Variants in SLMAP observed in about 807,000 individuals in gnomAD.
The protein encoded by SLMAP is sarcolemmal membrane-associated protein.
A neutral mutation model predicts 128.8 loss-of-function variants in SLMAP; 44 were observed. The observed-to-expected ratio is 0.34, with a 90% CI of 0.27 to 0.44. The LOEUF (loss-of-function observed/expected upper bound fraction) is 0.44, where lower values mean the gene tolerates loss of function less well. SLMAP is among the 20% of genes least tolerant of loss of function. The pLI, the probability that SLMAP is intolerant of heterozygous loss-of-function variation, is 1.00. For synonymous variants in SLMAP, 327 were observed against 348.8 expected, an observed-to-expected ratio of 0.94 and a Z score of 0.70; for missense variants, 787 against 985.3, an observed-to-expected ratio of 0.80 and a Z score of 2.69.
In SLMAP at chr3:57,922,909, A is replaced by G; in HGVS notation, c.2331A>G (p.Val777=). The change falls in exon 23 of 25, where the codon GTA becomes GTG. Residue 777 remains valine (V), a synonymous_variant. Coordinates refer to ENST00000671191, the MANE Select transcript of SLMAP (RefSeq NM_001377540.1). ...TTTAGTATGAAAAGACACAGACTGT[A>G]CTCTCAGAACTGAAGTTGAAGTTTG... ...VQKEYEKTQT[V]LSELKLKFEM... is the part of the protein sequence containing the mutation. 1.2e-6 allele frequency: 2 copies of G among 1,613,280 alleles called. No individual in the cohort carries two copies. The highest frequency in any genetic ancestry group is 1.7e-6 in the Non-Finnish European group (2 of 1,179,864).
At chr3:57,827,715 A>G (rs1349972053) in intron 2 of SLMAP, among the ~76,000 whole-genome samples, 2 of 152,232 alleles carry the variant, frequency 1.3e-5, no homozygotes, top group South Asian at 4.1e-4. Flanking sequence ...TCCTTAGGCT[A>G]CTGGGAAAGA....
At chr3:57,787,276 A>G (rs1307135352) in intron 2 of SLMAP, among the ~76,000 whole-genome samples, 1 of 152,218 alleles carries the variant, frequency 6.6e-6, no homozygotes, top group Non-Finnish European at 1.5e-5. Context: ...ACATCGAGTT[A>G]TGAGGTTCAA....
chr3:57,796,839 C>A (rs1025864242), intron 2 of SLMAP, among the ~76,000 whole-genome samples: 10 of 152,134 alleles, frequency 6.6e-5, no homozygotes, highest in Middle Eastern at 6.8e-3. Flanking sequence ...GTGAAAATGT[C>A]AAAAATGCAA....
Position 57,806,768 on chromosome 3 carries a change from A to G in SLMAP, c.199-24615A>G, listed in dbSNP as rs535919885. ...ATTTTATTTATCCAATCTATCATTG[A>G]TGGGCATTTGGGTTGGTTCCATGTA... On this transcript the variant is annotated intron_variant, in intron 2 of 24. Coordinates refer to ENST00000671191, the MANE Select transcript of SLMAP (RefSeq NM_001377540.1). Among the ~76,000 whole-genome samples, 111 of 152,220 alleles carry G rather than the reference A, an allele frequency of 7.3e-4. 1 individual carries two copies. Among genetic ancestry groups the G allele is most frequent in the African/African-American group, 2.6e-3 (108 of 41,528 alleles).
chr3:57,821,785 A>G (rs1006457539), intron 2 of SLMAP, among the ~76,000 whole-genome samples: 4 of 152,022 alleles, frequency 2.6e-5, no homozygotes, highest in Admixed American at 6.6e-5. Flanking sequence ...AGAAATTGCA[A>G]CTTCTTAGTC....
intron 3 of SLMAP, among the ~76,000 whole-genome samples, chr3:57,839,851 G>A (rs2093837433): frequency 6.6e-6 from 1 of 152,060 alleles, no homozygotes; most frequent in African/African-American, 2.4e-5. Flanking sequence ...CACCATGCCT[G>A]GCCTAATTTT....
rs1422024469 is a variant in SLMAP, at chr3:57,866,277, AG to A, written c.1237+986del. 5.2e-3 allele frequency among the ~76,000 whole-genome samples: 206 copies of A among 39,308 alleles called. 1 individual carries two copies. Among genetic ancestry groups the A allele is most frequent in the African/African-American group, 0.016 (179 of 11,034 alleles). The allele number at this position is 39,308 out of a possible 152,430, so 25.8% of individuals were successfully genotyped here. ...ACGAGCAAGGCCCTGTCTTTAAAAA[AG>A]AAAAGAAAAGAAAAGAAAAGACAAA... is the stretch of plus-strand genomic sequence containing the variant. On this transcript the variant is annotated intron_variant, in intron 13 of 24. Coordinates refer to ENST00000671191, the MANE Select transcript of SLMAP (RefSeq NM_001377540.1).
At chr3:57,890,190 C>T in intron 15 of SLMAP, 90 bp downstream of exon 15, 1 of 1,223,952 alleles carries the variant, frequency 8.2e-7, no homozygotes, top group Non-Finnish European at 1.2e-6. Flanking sequence ...TTTTAACCAT[C>T]AGTTTACTTC....
chr3:57,872,997 C>T (rs1261130630), intron 14 of SLMAP, among the ~76,000 whole-genome samples: 2 of 152,094 alleles, frequency 1.3e-5, no homozygotes, highest in Non-Finnish European at 2.9e-5. Flanking sequence ...CTTGGGGGTT[C>T]TATGGGTCAT....
intron 3 of SLMAP, among the ~76,000 whole-genome samples, chr3:57,840,040 C>CA (rs1453241735): frequency 1.3e-5 from 2 of 151,910 alleles, no homozygotes; most frequent in Non-Finnish European, 2.9e-5. Context: ...AGTCTGGTCT[C>CA]AAACTCCTGA....
chr3:57,894,731 TAGGCCA>T (rs2096194046), intron 15 of SLMAP, among the ~76,000 whole-genome samples: 2 of 152,170 alleles, frequency 1.3e-5, no homozygotes, highest in South Asian at 4.1e-4. Context: ...ACAGAATGAA[TAGGCCA>T]AGTAGAGAAA....
At chr3:57,892,114 C>A (rs536590123) in intron 15 of SLMAP, among the ~76,000 whole-genome samples, 1 of 152,262 alleles carries the variant, frequency 6.6e-6, no homozygotes, top group African/African-American at 2.4e-5. Context: ...TAGCACCTTT[C>A]ACAGTTAATA....
rs150863532 is a variant in SLMAP at position 57,806,800 on chromosome 3, A to G, written c.199-24583A>G. Among the ~76,000 whole-genome samples, 7 of 152,282 alleles carry G rather than the reference A, an allele frequency of 4.6e-5. No homozygotes were observed. In the East Asian group the frequency reaches 1.2e-3, roughly 25 times the overall value. On this transcript the variant is annotated intron_variant, in intron 2 of 24. Transcript: ENST00000671191. ...TTTGGGTTGGTTCCATGTATTTGCT[A>G]TTGTAAATAGTGCTGCAATAAACAT...
At position 57,803,946 on chromosome 3, in the gene SLMAP, C is replaced by T. The variant is rs143710674; in HGVS notation, c.199-27437C>T. ...CTTTACCGATTTTGCTTTAGGTGCT[C>T]ATCTGAAAATATGCTTCCTGTTGAC... On this transcript the variant is annotated intron_variant, in intron 2 of 24. Coordinates refer to ENST00000671191, the MANE Select transcript of SLMAP (RefSeq NM_001377540.1). Among the ~76,000 whole-genome samples the T allele has an allele frequency of 1.4e-3, 207 of 152,330 alleles. 1 individual carries two copies. Among genetic ancestry groups the T allele is most frequent in the African/African-American group, 4.3e-3 (180 of 41,564 alleles).
At chr3:57,766,470 A>G (rs2153436648) in intron 2 of SLMAP, among the ~76,000 whole-genome samples, 1 of 152,328 alleles carries the variant, frequency 6.6e-6, no homozygotes, top group Admixed American at 6.5e-5. Context: ...ACTTGAATCA[A>G]GAAAAATGGT....
intron 2 of SLMAP, among the ~76,000 whole-genome samples, chr3:57,822,895 C>G (rs577250744): frequency 6.6e-6 from 1 of 152,272 alleles, no homozygotes; most frequent in Middle Eastern, 3.4e-3. Context: ...GCAGAGATAA[C>G]AGAGACTTCA....
chr3:57,890,130 A>G, intron 15 of SLMAP, 30 bp downstream of exon 15: 1 of 1,608,206 alleles, frequency 6.2e-7, no homozygotes, highest in Non-Finnish European at 8.5e-7. Context: ...ATGTTTTTTG[A>G]CAGTTCTTTT....
intron 2 of SLMAP, among the ~76,000 whole-genome samples, chr3:57,769,567 T>G (rs2080410843): frequency 6.6e-6 from 1 of 151,914 alleles, no homozygotes; most frequent in Non-Finnish European, 1.5e-5. Flanking sequence ...CAAGCAACCC[T>G]CCCACCTCAG....
chr3:57,793,025 G>T (rs538598701), intron 2 of SLMAP, among the ~76,000 whole-genome samples: 31 of 152,256 alleles, frequency 2.0e-4, no homozygotes, highest in African/African-American at 7.5e-4. Context: ...TGTGGTCCCA[G>T]CAACTTGGGA....
Sources: gnomAD v4.1 joint callset for allele counts (sites outside exome capture counted in the v4.1 genomes callset) on GRCh38, gnomAD v4.1.1 for gene constraint, MANE v1.5 for transcripts, NCBI Gene and HGNC (gene_info 2026-07-23, HGNC 2026-07-21) for gene names.